SETD9: variants seen among roughly 807,000 people sequenced by gnomAD.
The protein encoded by SETD9 is SET domain containing 9, also known as SET domain-containing protein 9.
A neutral mutation model predicts 36.4 loss-of-function variants in SETD9; 37 were observed. The observed-to-expected ratio is 1.02, with a 90% CI of 0.78 to 1.34. SETD9 has a LOEUF of 1.34. SETD9 is among the 40% of genes most tolerant of loss of function. The probability of loss-of-function intolerance (pLI) is 0.00; values close to 1 mark genes in which losing one functional copy is unlikely to be tolerated. For missense variants in SETD9, 323 were observed against 353.2 expected (o/e 0.91, Z 0.69); for synonymous variants, 128 against 132.9 (o/e 0.96, Z 0.26).
intron 5 of SETD9, 95 bp from the exon 6 acceptor site, chr5:56,916,720 G>T: frequency 7.6e-7 from 1 of 1,307,864 alleles, no homozygotes; most frequent in Non-Finnish European, 1.0e-6. Flanking sequence ...AGGAACCTGA[G>T]TAAAGTTACC....
At chr5:56,928,825 C>T (rs755594980), downstream of SETD9, 2 of 1,613,730 alleles carry the variant, frequency 1.2e-6, no homozygotes, top group Non-Finnish European at 8.5e-7. Context: ...ATGTTCAAAG[C>T]TTCGGCATTC....
intron 5 of SETD9, chr5:56,924,189 C>A (rs769699561): frequency 1.3e-6 from 1 of 780,266 alleles, no homozygotes; most frequent in Non-Finnish European, 1.9e-6. Flanking sequence ...TTATAAAGTT[C>A]TGAACACTTT....
At chr5:56,920,995 ATAAC>A (rs1348492463), downstream of SETD9, 1 of 152,562 alleles carries the variant, frequency 6.6e-6, no homozygotes, top group Non-Finnish European at 1.5e-5. Context: ...CTTTATTTAA[ATAAC>A]TAAAGTGTCC....
chr5:56,917,351 G>A, downstream of SETD9: 1 of 978,950 alleles, frequency 1.0e-6, no homozygotes, highest in Non-Finnish European at 1.2e-6. Context: ...TGAGTAAATT[G>A]GTGTGTCTAT....
chr5:56,916,014 T>C (rs1251231729), intron 5 of SETD9, among the ~76,000 whole-genome samples: 3 of 151,984 alleles, frequency 2.0e-5, no homozygotes, highest in Non-Finnish European at 4.4e-5. Context: ...CTTCTCTGCA[T>C]GTGTATGTTT....
downstream of SETD9, chr5:56,919,521 A>ATATC (rs1193741532): frequency 6.6e-6 from 1 of 152,248 alleles, no homozygotes; most frequent in African/African-American, 2.4e-5. Flanking sequence ...CAGTGGTATA[A>ATATC]TATCTATCTA....
chr5:56,911,631 A>G (rs1749136215), intron 2 of SETD9, 95 bp downstream of exon 2: 3 of 1,318,780 alleles, frequency 2.3e-6, no homozygotes, highest in Middle Eastern at 2.1e-4. Flanking sequence ...CCTTAGAGTA[A>G]GGGATTAAAT....
At position 56,911,449 on chromosome 5, in the gene SETD9, G is replaced by A. The variant is rs1230245961; in HGVS notation, c.379G>A (p.Ala127Thr). 2 of 1,611,204 alleles carry A rather than the reference G, an allele frequency of 1.2e-6. No homozygotes were observed. The highest frequency in any genetic ancestry group is 1.7e-5 in the Admixed American group (1 of 59,290). Reference sequence around the variant, plus strand: ...GACTTTGGGTTTCAGTGTTGCCCAAGCAACTAGCTCATTGATTTCTGCTGG... The same window carrying A: ...GACTTTGGGTTTCAGTGTTGCCCAAACAACTAGCTCATTGATTTCTGCTGG... ...YKTLGFSVAQ[A>T]TSSLISAGKG... Residue 127 changes from alanine (A) to threonine (T), a missense_variant, in exon 2 of 6, where the codon GCA becomes ACA. Physicochemically the swap from Ala to Thr is moderately conservative, Grantham distance 58. Coordinates refer to ENST00000285947, the MANE Select transcript of SETD9 (RefSeq NM_153706.4).
intron 1 of SETD9, chr5:56,910,339 A>C (rs1579805588): frequency 7.7e-7 from 1 of 1,304,270 alleles, no homozygotes; most frequent in African/African-American, 1.5e-5. Flanking sequence ...CTCGCGCGTT[A>C]AGAACGGGCA....
At chr5:56,919,053 C>T (rs1413381416), downstream of SETD9, among the ~76,000 whole-genome samples, 1 of 151,450 alleles carries the variant, frequency 6.6e-6, no homozygotes, top group Admixed American at 6.6e-5. Context: ...AAGACAGTTA[C>T]CTAGAACAGC....
chr5:56,928,495 CAAG>C (rs1398913310), downstream of SETD9: 2 of 240,912 alleles, frequency 8.3e-6, no homozygotes, highest in Admixed American at 5.5e-5. Flanking sequence ...AAAGGAAAGT[CAAG>C]GAGAAATGAG....
chr5:56,920,624 GA>G (rs796118176), downstream of SETD9: 133 of 145,998 alleles, frequency 9.1e-4, 1 homozygote, highest in East Asian at 0.014. Context: ...TAAACTGAGA[GA>G]AAAAAAAAAC....
rs1749480327 is a variant in SETD9 at position 56,917,325 on chromosome 5, A to G, written c.*423A>G. On this transcript the variant is annotated 3_prime_UTR_variant, in exon 6 of 6. Coordinates refer to ENST00000285947, the MANE Select transcript of SETD9 (RefSeq NM_153706.4). ...ATTTTTACAGAATTGAGTAAAAAAT[A>G]CCTATTGTGTTGCCATGAGTAAATT... The G allele has an allele frequency of 9.1e-6, 9 of 988,106 alleles. No individual in the cohort carries two copies. Among genetic ancestry groups the G allele is most frequent in the South Asian group, 4.7e-5 (1 of 21,476 alleles). 61.2% of individuals were successfully genotyped at this position (988,106 alleles called of 1,614,324 possible). A position where few individuals can be genotyped will look rare whatever the true frequency, so the allele number is the denominator to read the frequency against.
At chr5:56,922,804 G>A in intron 5 of SETD9, 4 of 278,124 alleles carry the variant, frequency 1.4e-5, no homozygotes, top group South Asian at 5.4e-5. Flanking sequence ...AATTGGGAGT[G>A]AGGGCAGTGG....
downstream of SETD9, chr5:56,920,144 G>A (rs953170353): frequency 5.2e-5 from 8 of 152,506 alleles, no homozygotes; most frequent in African/African-American, 1.9e-4. Context: ...AATTAAAAAG[G>A]AAATGATTGC....
chr5:56,913,885 G>C lies in SETD9; in HGVS notation c.602G>C (p.Gly201Ala), dbSNP rs770571722. 6.2e-7 allele frequency: 1 copy of C among 1,609,212 alleles called. No individual in the cohort carries two copies. The highest frequency in any genetic ancestry group is 2.2e-5 in the East Asian group (1 of 44,870). ...TTCACTTGTTTCAGATCTTGCAATG[G>C]GAGGGATCGACTCGGCCCTTTAAAA... is the stretch of plus-strand genomic sequence containing the variant. ...ISKVVYRSCN[G>A]RDRLGPLKMS... The change falls in exon 4 of 6, where the codon GGG becomes GCG. Residue 201 changes from glycine (G) to alanine (A), a missense_variant. Physicochemically the swap from Gly to Ala is moderately conservative, Grantham distance 60. Transcript: ENST00000285947.
downstream of SETD9, chr5:56,921,538 A>G (rs995600708): frequency 1.3e-5 from 2 of 152,654 alleles, no homozygotes; most frequent in African/African-American, 4.8e-5. Context: ...AGCAATCTTC[A>G]TTAAAATGCT....
chr5:56,925,368 T>C, exon 6 of SETD9: 1 of 452,522 alleles, frequency 2.2e-6, no homozygotes, highest in Non-Finnish European at 4.4e-6. Context: ...CTCCAAAGAA[T>C]CAACAAAAAA....
chr5:56,926,434 C>G (rs370717251), downstream of SETD9, among the ~76,000 whole-genome samples: 10 of 151,586 alleles, frequency 6.6e-5, no homozygotes, highest in African/African-American at 2.2e-4. Context: ...GGCAAAAAAT[C>G]TGAATGAACA....
Sources: gnomAD v4.1 joint callset for allele counts (sites outside exome capture counted in the v4.1 genomes callset) on GRCh38, gnomAD v4.1.1 for gene constraint, MANE v1.5 for transcripts, NCBI Gene and HGNC (gene_info 2026-07-23, HGNC 2026-07-21) for gene names.